CCNY: variants seen among roughly 807,000 people sequenced by gnomAD.
CCNY encodes cyclin-Y.
A neutral mutation model predicts 42.8 loss-of-function variants in CCNY; 19 were observed. The observed-to-expected ratio is 0.44, with a 90% confidence interval of 0.31 to 0.65. The LOEUF is 0.65. Among genes scored for constraint, CCNY ranks in the 30% least tolerant of loss-of-function variants. The pLI, the probability that CCNY is intolerant of heterozygous loss-of-function variation, is 0.07. For synonymous variants in CCNY, 165 were observed against 162.7 expected, an observed-to-expected ratio of 1.01 and a Z score of -0.11; for missense variants, 370 against 437.3, an observed-to-expected ratio of 0.85 and a Z score of 1.37.
chr10:35,526,120 G>T, intron 5 of CCNY, 121 bp downstream of exon 5: 3 of 871,242 alleles, frequency 3.4e-6, no homozygotes, highest in Non-Finnish European at 5.2e-6. Flanking sequence ...TATTTTCATA[G>T]AATTTCTAAA....
At chr10:35,388,706 G>A (rs1837347381) in intron 1 of CCNY, among the ~76,000 whole-genome samples, 1 of 152,136 alleles carries the variant, frequency 6.6e-6, no homozygotes, top group Non-Finnish European at 1.5e-5. Context: ...GCACTTTCTG[G>A]CTTAAAACAA....
At chr10:35,407,159 C>G (rs563762704) in intron 1 of CCNY, among the ~76,000 whole-genome samples, 37 of 152,254 alleles carry the variant, frequency 2.4e-4, no homozygotes, top group African/African-American at 8.2e-4. Flanking sequence ...CCAGCCACCT[C>G]TTTAAGAGGA....
intron 1 of CCNY, among the ~76,000 whole-genome samples, chr10:35,373,181 C>A (rs753405748): frequency 1.3e-5 from 2 of 152,172 alleles, no homozygotes; most frequent in Non-Finnish European, 1.5e-5. Flanking sequence ...CTTCCTGGTG[C>A]GGTTTTGGGT....
At chr10:35,298,263 T>C (rs774962468) in intron 3 of CCNY, among the ~76,000 whole-genome samples, 18 of 152,198 alleles carry the variant, frequency 1.2e-4, no homozygotes, top group Non-Finnish European at 2.4e-4. Flanking sequence ...ATTCAAGATA[T>C]AGAACATTTC....
chr10:35,511,653 G>A (rs112457254), intron 3 of CCNY, among the ~76,000 whole-genome samples: 1,581 of 152,286 alleles, frequency 0.01, 24 homozygotes, highest in African/African-American at 0.036. Flanking sequence ...TGATCTCCTT[G>A]TCTGTAAAAT....
At chr10:35,518,152 C>G (rs1385962189) in intron 4 of CCNY, among the ~76,000 whole-genome samples, 1 of 152,186 alleles carries the variant, frequency 6.6e-6, no homozygotes, top group Non-Finnish European at 1.5e-5. Context: ...TTAAAATTGC[C>G]ACTGGCTGTG....
intron 1 of CCNY, among the ~76,000 whole-genome samples, chr10:35,351,206 CT>C (rs965472575): frequency 2.6e-5 from 4 of 152,196 alleles, no homozygotes; most frequent in Admixed American, 2.6e-4. Context: ...ATTGTCAGGA[CT>C]TATGTCAGTG....
chr10:35,513,320 A>G (rs188118103), intron 3 of CCNY, among the ~76,000 whole-genome samples: 2 of 152,294 alleles, frequency 1.3e-5, no homozygotes, highest in Non-Finnish European at 1.5e-5. Flanking sequence ...GTTCGTGGTT[A>G]ACTCTGTAGT....
Position 35,272,162 on chromosome 10 carries a change from T to C in CCNY, c.-9+21536T>C, listed in dbSNP as rs150497792. ...ACACCATGCCCAGCTAATTTTTGTATTTTTAGTAGAGAGGGGGTTTCTCCA... is the reference window on the plus strand; with the variant it reads ...ACACCATGCCCAGCTAATTTTTGTACTTTTAGTAGAGAGGGGGTTTCTCCA... On this transcript the variant is annotated intron_variant, in intron 3 of 11. Transcript: ENST00000374706. Among the ~76,000 whole-genome samples, 7 of 152,212 alleles carry C rather than the reference T, an allele frequency of 4.6e-5. No individual in the cohort carries two copies. In the East Asian group the frequency reaches 1.4e-3, roughly 29 times the overall value.
intron 1 of CCNY, among the ~76,000 whole-genome samples, chr10:35,460,254 T>A (rs111819813): frequency 0.01 from 1,583 of 152,338 alleles, 23 homozygotes; most frequent in African/African-American, 0.036. Flanking sequence ...ATATCTCTAT[T>A]TAGTTATTGA....
At chr10:35,303,364 G>A (rs1835560765) in intron 3 of CCNY, among the ~76,000 whole-genome samples, 1 of 151,638 alleles carries the variant, frequency 6.6e-6, no homozygotes, top group African/African-American at 2.4e-5. Flanking sequence ...ATTTTCAGTA[G>A]AGACGGGGTT....
At chr10:35,568,556 A>T (rs1446035198) in intron 9 of CCNY, among the ~76,000 whole-genome samples, 1 of 152,200 alleles carries the variant, frequency 6.6e-6, no homozygotes, top group African/African-American at 2.4e-5. Context: ...TAAGTCCTCC[A>T]TCCTTTTCTG....
At chr10:35,271,930 G>A (rs1212537375) in intron 3 of CCNY, among the ~76,000 whole-genome samples, 4 of 152,198 alleles carry the variant, frequency 2.6e-5, no homozygotes, top group Non-Finnish European at 5.9e-5. Flanking sequence ...GGCAGCTGAA[G>A]CCAAATGGAG....
intron 3 of CCNY, among the ~76,000 whole-genome samples, chr10:35,330,169 G>C (rs1835925803): frequency 6.6e-6 from 1 of 152,192 alleles, no homozygotes; most frequent in South Asian, 2.1e-4. Flanking sequence ...CCCAATGCCA[G>C]TCACCTTGGA....
Position 35,569,504 on chromosome 10 carries a change from GGCGGTA to G in CCNY, c.*337_*342del, listed in dbSNP as rs1419964152. 2.5e-5 allele frequency: 8 copies of G among 326,426 alleles called. No homozygotes were observed. The highest frequency in any genetic ancestry group is 4.7e-5 in the Non-Finnish European group (8 of 171,236). 20.2% of individuals were successfully genotyped at this position (326,426 alleles called of 1,614,324 possible). On this transcript the variant is annotated 3_prime_UTR_variant, in exon 10 of 10. Coordinates refer to ENST00000374704, the MANE Select transcript of CCNY (RefSeq NM_145012.6). The stretch of plus-strand genomic sequence containing the variant: ...CCCGGCCCTCTGGAGTCCCCATGGG[GGCGGTA>G]GCTGAAGTTGGCGAGCGCAGCGGTG...
intron 3 of CCNY, among the ~76,000 whole-genome samples, chr10:35,291,587 A>C (rs1835414777): frequency 7.3e-6 from 1 of 137,358 alleles, no homozygotes; most frequent in Admixed American, 8.1e-5. Context: ...GCTGGAGTGC[A>C]GTGGCACGAT....
intron 3 of CCNY, among the ~76,000 whole-genome samples, chr10:35,504,492 C>T (rs1233812246): frequency 6.6e-6 from 1 of 152,168 alleles, no homozygotes; most frequent in Non-Finnish European, 1.5e-5. Context: ...GGTTTTGAAG[C>T]TTGAAGCCAT....
chr10:35,533,479 C>T (rs570911553), intron 7 of CCNY, among the ~76,000 whole-genome samples: 2 of 152,274 alleles, frequency 1.3e-5, no homozygotes, highest in African/African-American at 4.8e-5. Flanking sequence ...CCTGGATGTA[C>T]CGGACACACA....
chr10:35,569,332 A>G lies in CCNY; in HGVS notation c.*162A>G, dbSNP rs1841639511. 18 of 612,536 alleles carry G rather than the reference A, an allele frequency of 2.9e-5. No homozygotes were observed. The Admixed American group carries it at 4.6e-4, about 15-fold the overall frequency. 37.9% of individuals were successfully genotyped at this position (612,536 alleles called of 1,614,324 possible). ...TGAGCGCCCATGCAGCAAGGCTTGG[A>G]GGAAGCGTCAGTGCCCTGGAGATCC... On this transcript the variant is annotated 3_prime_UTR_variant, in exon 10 of 10. Transcript: ENST00000374704.
Sources: allele counts gnomAD v4.1 joint callset (sites outside exome capture counted in the v4.1 genomes callset), GRCh38; gene constraint gnomAD v4.1.1; transcripts MANE v1.5; gene names NCBI Gene and HGNC (gene_info 2026-07-23, HGNC 2026-07-21).